The following DNAH3 variants were observed in gnomAD, a reference collection of about 807,000 sequenced individuals.
DNAH3 encodes dynein axonemal heavy chain 3, also known as axonemal beta dynein heavy chain 3.
A neutral mutation model predicts 432.5 loss-of-function variants in DNAH3; 332 were observed. The ratio of observed to expected loss-of-function variants is 0.77; its 90% CI spans 0.70 to 0.84. The LOEUF (loss-of-function observed/expected upper bound fraction) is 0.84. Among genes scored for constraint, DNAH3 ranks in the 40% least tolerant of loss-of-function variants. The pLI, the probability that DNAH3 is intolerant of heterozygous loss-of-function variation, is 0.00. For synonymous variants in DNAH3, 1,956 were observed against 1,900.2 expected (o/e 1.03, Z -0.76); for missense variants, 4,861 against 5,114.0 (o/e 0.95, Z 1.51).
chr16:21,086,067 G>A (rs982039153), intron 19 of DNAH3, among the ~76,000 whole-genome samples: 6 of 152,246 alleles, frequency 3.9e-5, no homozygotes, highest in Non-Finnish European at 8.8e-5. Context: ...CTTGAATGTG[G>A]TTCTGAGAGG....
intron 7 of DNAH3, among the ~76,000 whole-genome samples, chr16:21,129,769 C>T (rs1308598075): frequency 1.1e-5 from 1 of 90,474 alleles, no homozygotes; most frequent in Non-Finnish European, 2.1e-5. Context: ...TGGTGTTAGG[C>T]TGCATCCATC....
chr16:21,062,488 AT>A lies in DNAH3; in HGVS notation c.3713del (p.Asn1238MetfsTer16). 6.2e-7 allele frequency: 1 copy of A among 1,614,162 alleles called. No individual in the cohort carries two copies. Among genetic ancestry groups the A allele is most frequent in the Non-Finnish European group, 8.5e-7 (1 of 1,179,988 alleles). The stretch of plus-strand genomic sequence containing the variant: ...AATGGGTAAGAGGAGTTACCTTGGC[AT>A]TAGCTGGGTAGATTTTCTGTATGAA... On this transcript the variant is annotated frameshift_variant, in exon 25 of 62. Coordinates refer to ENST00000261383, the Ensembl canonical transcript of DNAH3. LOFTEE classifies it high-confidence loss of function.
intron 7 of DNAH3, among the ~76,000 whole-genome samples, chr16:21,133,041 G>A (rs1045304624): frequency 1.3e-5 from 2 of 151,248 alleles, no homozygotes; most frequent in African/African-American, 4.9e-5. Flanking sequence ...GCCCTGTACT[G>A]GCACTGAGTT....
chr16:21,120,639 C>G (rs1286805747), intron 11 of DNAH3: 2 of 900,078 alleles, frequency 2.2e-6, no homozygotes, highest in African/African-American at 3.3e-5. Flanking sequence ...CTTATTGTCT[C>G]GTAAAGTCAT....
intron 41 of DNAH3, among the ~76,000 whole-genome samples, chr16:21,006,016 G>C (rs553960385): frequency 6.6e-6 from 1 of 152,070 alleles, no homozygotes; most frequent in South Asian, 2.1e-4. Flanking sequence ...CATTTTAAGA[G>C]AAGTTTCTGC....
intron 20 of DNAH3, among the ~76,000 whole-genome samples, chr16:21,077,349 G>A (rs1487432996): frequency 6.6e-6 from 1 of 151,992 alleles, no homozygotes; most frequent in Non-Finnish European, 1.5e-5. Context: ...TTTTAGTAGA[G>A]ACGGGGTTTC....
chr16:20,985,344 G>T, exon 48 of DNAH3: 1 of 1,614,182 alleles, frequency 6.2e-7, no homozygotes. Context: ...GCCAGTCATT[G>T]CCTGCGTAGT....
chr16:21,151,408 C>T (rs1047317450), intron 1 of DNAH3, among the ~76,000 whole-genome samples: 1 of 151,176 alleles, frequency 6.6e-6, no homozygotes, highest in African/African-American at 2.4e-5. Flanking sequence ...GCAAGCTCTG[C>T]CTCCCGGGTT....
chr16:20,953,236 G>A (rs1313151440), intron 55 of DNAH3, among the ~76,000 whole-genome samples: 1 of 151,190 alleles, frequency 6.6e-6, no homozygotes, highest in Non-Finnish European at 1.5e-5. Flanking sequence ...TCGGCTGACT[G>A]CAACCTCCAC....
rs531018075 is a variant in DNAH3, at chr16:21,153,242, A to G, written c.117+6083T>C. Among the ~76,000 whole-genome samples, 689 of 152,244 alleles carry G rather than the reference A, an allele frequency of 4.5e-3. 1 individual carries two copies. The highest frequency in any genetic ancestry group is 0.016 in the African/African-American group (657 of 41,554). The stretch of plus-strand genomic sequence containing the variant: ...CTTGGGGATTGTAAATACACCAATC[A>G]GCACTCTGTATCTAGCTCAAGGTTT... On this transcript the variant is annotated intron_variant, in intron 1 of 61. Transcript: ENST00000261383.
intron 31 of DNAH3, among the ~76,000 whole-genome samples, chr16:21,046,288 CATTATTA>C (rs1301661585): frequency 6.8e-6 from 1 of 146,630 alleles, no homozygotes; most frequent in Non-Finnish European, 1.5e-5. Flanking sequence ...TAAAGTCTCC[CATTATTA>C]ATGTGTGGGA....
At chr16:20,982,689 A>C in intron 49 of DNAH3, 32 bp downstream of exon 49, 1 of 1,587,564 alleles carries the variant, frequency 6.3e-7, no homozygotes, top group Non-Finnish European at 8.6e-7. Flanking sequence ...AATTTGGAAT[A>C]TCTAGAGTCC....
intron 44 of DNAH3, among the ~76,000 whole-genome samples, chr16:20,989,331 CAG>C (rs2086415574): frequency 6.6e-6 from 1 of 151,722 alleles, no homozygotes. Context: ...CAGCTAGATA[CAG>C]AGTGTTGATT....
chr16:20,959,878 G>A (rs2084742549), intron 53 of DNAH3, among the ~76,000 whole-genome samples: 1 of 152,070 alleles, frequency 6.6e-6, no homozygotes, highest in African/African-American at 2.4e-5. Context: ...ATCAAGGTTT[G>A]AAAGAAAAGG....
At chr16:21,078,032 T>C (rs2091035703) in intron 20 of DNAH3, among the ~76,000 whole-genome samples, 1 of 152,036 alleles carries the variant, frequency 6.6e-6, no homozygotes. Context: ...TCCCAGCACT[T>C]TGGGAGGCCA....
chr16:21,000,284 C>T, exon 43 of DNAH3: 1 of 1,614,112 alleles, frequency 6.2e-7, no homozygotes, highest in Non-Finnish European at 8.5e-7. Flanking sequence ...CGTCGTCGAT[C>T]CAGCTTGGAC....
At chr16:21,120,431 T>C (rs2092310626) in intron 11 of DNAH3, among the ~76,000 whole-genome samples, 1 of 152,166 alleles carries the variant, frequency 6.6e-6, no homozygotes, top group South Asian at 2.1e-4. Context: ...TTTTAAACCA[T>C]ATATACGGCA....
In DNAH3 at chr16:21,046,368, G is replaced by T. The variant is rs2089697408; in HGVS notation, c.4461+3201C>A. On this transcript the variant is annotated intron_variant, in intron 31 of 61. Coordinates refer to ENST00000261383, the Ensembl canonical transcript of DNAH3. ...ATGAATCTTGGTGCTCCTGTATTGG[G>T]TGCAAATATATTTAGGATAGTTAGC... Among the ~76,000 whole-genome samples, 4 of 150,698 alleles carry T rather than the reference G, an allele frequency of 2.7e-5. No homozygotes were observed. In the Admixed American group the frequency reaches 2.7e-4, roughly 10 times the overall value.
At chr16:21,052,465 G>C (rs986214828) in intron 28 of DNAH3, among the ~76,000 whole-genome samples, 10 of 152,210 alleles carry the variant, frequency 6.6e-5, no homozygotes, top group African/African-American at 2.4e-4. Flanking sequence ...AAATCAGACT[G>C]GCTGCGTTCA....
Sources: allele counts gnomAD v4.1 joint callset (sites outside exome capture counted in the v4.1 genomes callset), GRCh38; gene constraint gnomAD v4.1.1; transcripts MANE v1.5; gene names NCBI Gene and HGNC (gene_info 2026-07-23, HGNC 2026-07-21).